INPP4B: variants seen among roughly 807,000 people sequenced by gnomAD.
INPP4B encodes inositol polyphosphate 4-phosphatase type II.
Under a neutral mutation model 122.5 loss-of-function variants are expected in INPP4B, and 55 were observed. The ratio of observed to expected loss-of-function variants is 0.45; its 90% confidence interval spans 0.36 to 0.56. The LOEUF is 0.56. Ranked by LOEUF, INPP4B falls within the 20% of genes least tolerant of loss-of-function variation. The probability of loss-of-function intolerance (pLI) is 0.00; values close to 1 mark genes in which losing one functional copy is unlikely to be tolerated. For synonymous variants in INPP4B, 403 were observed against 388.7 expected, an observed-to-expected ratio of 1.04 and a Z score of -0.43; for missense variants, 1,000 against 1,097.7, an observed-to-expected ratio of 0.91 and a Z score of 1.26.
intron 2 of INPP4B, among the ~76,000 whole-genome samples, chr4:142,476,828 G>T (rs1819851181): frequency 6.6e-6 from 1 of 152,136 alleles, no homozygotes; most frequent in African/African-American, 2.4e-5. Context: ...TACCTAAGAA[G>T]AGTCTTAGAC....
chr4:142,143,656 G>C (rs2152835750), intron 18 of INPP4B, among the ~76,000 whole-genome samples: 1 of 152,172 alleles, frequency 6.6e-6, no homozygotes, highest in Admixed American at 6.5e-5. Flanking sequence ...AAATACATAG[G>C]AGAGAGGGGG....
intron 15 of INPP4B, among the ~76,000 whole-genome samples, chr4:142,182,144 G>A (rs1433157078): frequency 6.6e-6 from 1 of 152,102 alleles, no homozygotes; most frequent in Admixed American, 6.5e-5. Flanking sequence ...TTCTAGCTCT[G>A]GTTCTGTCAT....
chr4:142,836,725 C>A (rs1193939755), intron 1 of INPP4B, among the ~76,000 whole-genome samples: 1 of 151,742 alleles, frequency 6.6e-6, no homozygotes, highest in Non-Finnish European at 1.5e-5. Context: ...TGTCTACACA[C>A]ACACACACAC....
At chr4:142,709,671 T>C (rs920293181) in intron 2 of INPP4B, among the ~76,000 whole-genome samples, 1 of 152,210 alleles carries the variant, frequency 6.6e-6, no homozygotes, top group African/African-American at 2.4e-5. Context: ...CTGTACAGCC[T>C]GTGGAACCAT....
chr4:142,102,834 G>T (rs1785149302), intron 23 of INPP4B, among the ~76,000 whole-genome samples: 1 of 151,994 alleles, frequency 6.6e-6, no homozygotes, highest in African/African-American at 2.4e-5. Context: ...GCAGGATCAA[G>T]TATAGATCCT....
At chr4:142,227,735 G>T (rs867370958) in intron 12 of INPP4B, among the ~76,000 whole-genome samples, 6 of 151,266 alleles carry the variant, frequency 4.0e-5, no homozygotes, top group African/African-American at 1.5e-4. Flanking sequence ...GTGGGCACCT[G>T]TAATCCCAGC....
intron 25 of INPP4B, among the ~76,000 whole-genome samples, chr4:142,031,915 G>A (rs1740459127): frequency 6.6e-6 from 1 of 152,106 alleles, no homozygotes; most frequent in African/African-American, 2.4e-5. Context: ...TTTCAACAAT[G>A]TTTATTTTTG....
chr4:142,421,348 A>G (rs1229896221), intron 5 of INPP4B, among the ~76,000 whole-genome samples: 2 of 152,142 alleles, frequency 1.3e-5, no homozygotes, highest in African/African-American at 4.8e-5. Context: ...TAAGTAGGCA[A>G]TTAGAGGCAC....
chr4:142,024,073 T>C lies in INPP4B; in HGVS notation c.*4709A>G, dbSNP rs564909707. The C allele has an allele frequency of 2.0e-5, 3 of 152,262 alleles. No individual in the cohort carries two copies. Among genetic ancestry groups the C allele is most frequent in the East Asian group, 1.9e-4 (1 of 5,188 alleles). 9.4% of individuals were successfully genotyped at this position (152,262 alleles called of 1,614,324 possible). A position where few individuals can be genotyped will look rare whatever the true frequency, so the allele number is the denominator to read the frequency against. On this transcript the variant is annotated 3_prime_UTR_variant, in exon 26 of 26. Transcript: ENST00000262992. ...GAAATAGAATTCAATGAGTGATTAA[T>C]GTACACCATGATTCAGAAAAACAAA...
chr4:142,221,488 G>A (rs960240515), intron 12 of INPP4B, among the ~76,000 whole-genome samples: 1 of 151,040 alleles, frequency 6.6e-6, no homozygotes, highest in Non-Finnish European at 1.5e-5. Context: ...CCAATCTGAG[G>A]AAAACACAAA....
intron 2 of INPP4B, among the ~76,000 whole-genome samples, chr4:142,528,406 T>C (rs1827196723): frequency 2.0e-5 from 3 of 152,066 alleles, no homozygotes; most frequent in Non-Finnish European, 4.4e-5. Context: ...TTCAGTTCCT[T>C]GCAGGTTTTA....
At chr4:142,316,498 A>G (rs1230235830) in intron 7 of INPP4B, among the ~76,000 whole-genome samples, 3 of 151,586 alleles carry the variant, frequency 2.0e-5, no homozygotes, top group Non-Finnish European at 2.9e-5. Context: ...GTTATACTAC[A>G]TATATACATA....
intron 1 of INPP4B, among the ~76,000 whole-genome samples, chr4:142,781,739 G>A (rs79808942): frequency 0.02 from 3,086 of 152,142 alleles, 101 homozygotes; most frequent in African/African-American, 0.068. Flanking sequence ...ACATCTTCAC[G>A]TAAGGTGTGT....
chr4:142,791,815 A>G (rs1354362033), intron 1 of INPP4B, among the ~76,000 whole-genome samples: 12 of 151,978 alleles, frequency 7.9e-5, no homozygotes, highest in African/African-American at 2.4e-5. Flanking sequence ...TTACTCACCC[A>G]TTGACTGCTA....
At chr4:142,049,620 A>T (rs906100856) in intron 25 of INPP4B, among the ~76,000 whole-genome samples, 2 of 152,148 alleles carry the variant, frequency 1.3e-5, no homozygotes, top group South Asian at 2.1e-4. Context: ...ATAGGAAGAA[A>T]ATAGATTTAA....
chr4:142,143,536 G>A (rs1213825920), intron 18 of INPP4B, among the ~76,000 whole-genome samples: 3 of 151,772 alleles, frequency 2.0e-5, no homozygotes, highest in African/African-American at 4.8e-5. Context: ...GAGACATCAC[G>A]GTGAACCCCA....
intron 9 of INPP4B, among the ~76,000 whole-genome samples, chr4:142,274,070 G>T (rs1170850796): frequency 1.5e-4 from 23 of 151,300 alleles, no homozygotes; most frequent in Middle Eastern, 3.2e-3. Flanking sequence ...AAAGATTTAG[G>T]AAAAAAAATT....
At chr4:142,388,897 A>C (rs565708629) in intron 7 of INPP4B, among the ~76,000 whole-genome samples, 1 of 152,116 alleles carries the variant, frequency 6.6e-6, no homozygotes, top group Non-Finnish European at 1.5e-5. Flanking sequence ...TAGGCTGTAG[A>C]AACTGCATAT....
chr4:142,379,636 T>A (rs935458587), intron 7 of INPP4B, among the ~76,000 whole-genome samples: 15 of 152,222 alleles, frequency 9.9e-5, no homozygotes, highest in African/African-American at 3.6e-4. Flanking sequence ...TATAAAACCT[T>A]ACAGTAATTA....
Sources: allele counts gnomAD v4.1 joint callset (sites outside exome capture counted in the v4.1 genomes callset), GRCh38; gene constraint gnomAD v4.1.1; transcripts MANE v1.5; gene names NCBI Gene and HGNC (gene_info 2026-07-23, HGNC 2026-07-21).